FGF13: variants seen among roughly 807,000 people sequenced by gnomAD.
FGF13 encodes fibroblast growth factor 13.
In FGF13, 2 loss-of-function variants were observed where a neutral mutation model predicts 19.5. That is an observed-to-expected ratio of 0.10 (90% CI 0.04 to 0.32). The LOEUF is 0.32. Ranked by LOEUF, FGF13 falls within the 10% of genes least tolerant of loss-of-function variation. The probability of loss-of-function intolerance (pLI) is 1.00; values close to 1 mark genes in which losing one functional copy is unlikely to be tolerated. For synonymous variants in FGF13, 72 were observed against 76.9 expected, an observed-to-expected ratio of 0.94 and a Z score of 0.33; for missense variants, 113 against 192.7, an observed-to-expected ratio of 0.59 and a Z score of 2.45.
intron 3 of FGF13, among the ~76,000 whole-genome samples, chrX:138,695,924 T>G (rs1388461585): frequency 1.8e-5 from 2 of 112,005 alleles, no homozygotes; most frequent in Non-Finnish European, 3.8e-5. Context: ...AAAATAATAA[T>G]TTTAAATAGT....
intron 3 of FGF13, among the ~76,000 whole-genome samples, chrX:138,768,702 T>G (rs5931485): frequency 0.32 from 29,118 of 91,665 alleles, 3,480 homozygotes; most frequent in East Asian, 0.64. Flanking sequence ...AAGTATATAT[T>G]ATATATATAT....
At chrX:139,082,209 C>T (rs1433303866) in intron 1 of FGF13, among the ~76,000 whole-genome samples, 2 of 111,460 alleles carry the variant, frequency 1.8e-5, no homozygotes, top group Non-Finnish European at 3.8e-5. Flanking sequence ...TTTCCTCTGT[C>T]TAGAGTGCTG....
intron 1 of FGF13, among the ~76,000 whole-genome samples, chrX:139,054,216 G>C (rs1296792147): frequency 4.9e-5 from 5 of 101,133 alleles, no homozygotes; most frequent in African/African-American, 1.8e-4. Flanking sequence ...TCCGCCTCCC[G>C]GGTTCACGCC....
At chrX:138,772,958 G>T (rs1169160914) in intron 3 of FGF13, among the ~76,000 whole-genome samples, 1 of 109,147 alleles carries the variant, frequency 9.2e-6, no homozygotes, top group South Asian at 3.9e-4. Flanking sequence ...TAGCATAGAA[G>T]AATATTTCTG....
intron 1 of FGF13, among the ~76,000 whole-genome samples, chrX:139,124,415 A>G (rs2083700302): frequency 8.9e-6 from 1 of 111,897 alleles, no homozygotes; most frequent in Admixed American, 9.5e-5. Flanking sequence ...CTTCAGGATA[A>G]ACATCATCCA....
At chrX:138,885,366 G>C (rs760436555) in intron 1 of FGF13, among the ~76,000 whole-genome samples, 1 of 111,488 alleles carries the variant, frequency 9.0e-6, no homozygotes, top group Non-Finnish European at 1.9e-5. Context: ...TATAGAGAAG[G>C]GGGTGACTAT....
At chrX:138,987,367 T>C (rs1437260785) in intron 1 of FGF13, among the ~76,000 whole-genome samples, 1 of 112,118 alleles carries the variant, frequency 8.9e-6, no homozygotes, top group Non-Finnish European at 1.9e-5. Flanking sequence ...TGGGTTATTC[T>C]GAATACTCTG....
rs1411809758 is a variant in FGF13, at chrX:139,192,195, C to A, written c.-113+11221G>T. ...ATTCAACCCATGAGGACACTGAGAACTCAAAACATACAGTTGACAACAATG... is the reference window on the plus strand; with the variant it reads ...ATTCAACCCATGAGGACACTGAGAAATCAAAACATACAGTTGACAACAATG... On this transcript the variant is annotated intron_variant, in intron 1 of 2. Coordinates refer to the FGF13 transcript ENST00000421460. Among the ~76,000 whole-genome samples the A allele has an allele frequency of 2.7e-5, 3 of 112,259 alleles. No homozygotes were observed. In the Admixed American group the frequency reaches 2.8e-4, roughly 11 times the overall value.
rs2089019603 is a variant in FGF13 at position 138,622,037 on chromosome X, T to A, written c.*10813A>T. 1 of 102,645 alleles carries A rather than the reference T, an allele frequency of 9.7e-6. No individual in the cohort carries two copies. The highest frequency in any genetic ancestry group is 2.0e-5 in the Non-Finnish European group (1 of 50,715). 8.5% of individuals were successfully genotyped at this position (102,645 alleles called of 1,213,427 possible). A position where few individuals can be genotyped will look rare whatever the true frequency, so the allele number is the denominator to read the frequency against. On this transcript the variant is annotated 3_prime_UTR_variant, in exon 5 of 5. Transcript: ENST00000315930. ...CCCAACATTTAAAGAAAATCTAATA[T>A]CAATCCTTCTCAAATCTTCCAAAAA...
At chrX:138,735,026 C>A (rs747061577) in intron 1 of FGF13, among the ~76,000 whole-genome samples, 117 of 112,048 alleles carry the variant, frequency 1.0e-3, no homozygotes, top group Non-Finnish European at 1.5e-3. Flanking sequence ...TAACATCAAA[C>A]ACTGCCTCCA....
chrX:139,182,212 C>G (rs1054812217), intron 1 of FGF13, among the ~76,000 whole-genome samples: 2 of 112,034 alleles, frequency 1.8e-5, no homozygotes, highest in African/African-American at 6.5e-5. Flanking sequence ...GGCACAAGCT[C>G]TGCATGCTTA....
intron 1 of FGF13, among the ~76,000 whole-genome samples, chrX:139,060,276 A>G (rs1463840100): frequency 9.0e-6 from 1 of 111,300 alleles, no homozygotes; most frequent in East Asian, 2.8e-4. Context: ...GTACTTACAT[A>G]TCTTGCATAT....
At chrX:138,798,788 T>A (rs145167168) in intron 3 of FGF13, among the ~76,000 whole-genome samples, 3,874 of 112,014 alleles carry the variant, frequency 0.035, 141 homozygotes, top group African/African-American at 0.1. Flanking sequence ...CCTGGTTTAG[T>A]CTTGGGAGGG....
chrX:139,022,605 T>C (rs2092182401), intron 1 of FGF13, among the ~76,000 whole-genome samples: 1 of 111,158 alleles, frequency 9.0e-6, no homozygotes, highest in African/African-American at 3.3e-5. Context: ...ACAGTGACTT[T>C]GTAGAGCAAG....
At chrX:138,671,925 T>C (rs2089617421) in intron 3 of FGF13, among the ~76,000 whole-genome samples, 1 of 108,485 alleles carries the variant, frequency 9.2e-6, no homozygotes, top group South Asian at 4.1e-4. Context: ...GAAAAAGTCA[T>C]ATATGAATAG....
At chrX:138,805,321 A>G (rs190084799) in intron 3 of FGF13, among the ~76,000 whole-genome samples, 2 of 112,271 alleles carry the variant, frequency 1.8e-5, no homozygotes, top group East Asian at 2.8e-4. Flanking sequence ...ATACTTTGCC[A>G]TATGTTCAGA....
intron 1 of FGF13, among the ~76,000 whole-genome samples, chrX:138,905,482 C>G (rs975901191): frequency 4.5e-5 from 5 of 111,272 alleles, no homozygotes; most frequent in Non-Finnish European, 9.4e-5. Flanking sequence ...CATGGGAGAC[C>G]CCAGAAGGCA....
chrX:138,638,285 C>T (rs980928902), intron 3 of FGF13, among the ~76,000 whole-genome samples: 6 of 112,196 alleles, frequency 5.3e-5, no homozygotes, highest in African/African-American at 1.3e-4. Context: ...CCAGCGTCAT[C>T]TTCCAGTGTC....
intron 1 of FGF13, among the ~76,000 whole-genome samples, chrX:139,008,573 C>A (rs774560734): frequency 8.9e-6 from 1 of 112,198 alleles, no homozygotes; most frequent in South Asian, 3.7e-4. Context: ...GGTAGCTCCA[C>A]TGGGTGGCTA....
Sources: gnomAD v4.1 joint callset for allele counts (sites outside exome capture counted in the v4.1 genomes callset) on GRCh38, gnomAD v4.1.1 for gene constraint, MANE v1.5 for transcripts, NCBI Gene and HGNC (gene_info 2026-07-23, HGNC 2026-07-21) for gene names.